GALNT14: variants seen among roughly 807,000 people sequenced by gnomAD.
The protein encoded by GALNT14 is UDP-GalNAc:polypeptide N-acetylgalactosaminyltransferase 14.
A neutral mutation model predicts 77.5 loss-of-function variants in GALNT14; 60 were observed. The observed-to-expected ratio is 0.77, with a 90% CI of 0.63 to 0.96. The LOEUF is 0.96. Ranked by LOEUF, GALNT14 falls within the 40% of genes least tolerant of loss-of-function variation. GALNT14 has a pLI of 0.00. For synonymous variants in GALNT14, 280 were observed against 281.7 expected (o/e 0.99, Z 0.06); for missense variants, 710 against 731.0 (o/e 0.97, Z 0.33).
At chr2:31,043,364 C>T (rs941927446) in intron 1 of GALNT14, among the ~76,000 whole-genome samples, 7 of 152,154 alleles carry the variant, frequency 4.6e-5, no homozygotes, top group African/African-American at 1.7e-4. Flanking sequence ...GCTATCCTCC[C>T]TTGCTAAAAT....
Position 30,914,084 on chromosome 2 carries a change from G to A in GALNT14, c.1381-1742C>T, listed in dbSNP as rs1039711250. Among the ~76,000 whole-genome samples the A allele has an allele frequency of 2.6e-5, 4 of 152,208 alleles. No homozygotes were observed. In the East Asian group the frequency reaches 7.7e-4, roughly 29 times the overall value. On this transcript the variant is annotated intron_variant, in intron 13 of 14. Transcript: ENST00000349752. The stretch of plus-strand genomic sequence containing the variant: ...CTGCTGCTGCTGCTGCTGCTAATAA[G>A]AGCTGACATTTATTGAGCGCTTATG...
At chr2:30,935,206 A>G (rs576340790) in intron 9 of GALNT14, among the ~76,000 whole-genome samples, 2 of 152,286 alleles carry the variant, frequency 1.3e-5, no homozygotes, top group African/African-American at 4.8e-5. Flanking sequence ...TGAGAGCGAG[A>G]AGCTGGTGGC....
intron 1 of GALNT14, among the ~76,000 whole-genome samples, chr2:31,064,317 A>C (rs1674797169): frequency 6.6e-6 from 1 of 152,226 alleles, no homozygotes; most frequent in Admixed American, 6.5e-5. Flanking sequence ...CACAAAACTG[A>C]GGAGAATAAT....
intron 1 of GALNT14, chr2:31,125,059 G>T: frequency 3.5e-6 from 3 of 846,618 alleles, no homozygotes; most frequent in Non-Finnish European, 5.8e-6. Flanking sequence ...GCGCCCAGGA[G>T]CTCTGGCAGA....
In GALNT14 at chr2:31,138,279, T is replaced by A; in HGVS notation, c.-193A>T. 1.6e-6 allele frequency: 1 copy of A among 640,750 alleles called. No homozygotes were observed. The highest frequency in any genetic ancestry group is 2.6e-6 in the Non-Finnish European group (1 of 385,540). 39.7% of individuals were successfully genotyped at this position (640,750 alleles called of 1,614,324 possible). A position where few individuals can be genotyped will look rare whatever the true frequency, so the allele number is the denominator to read the frequency against. ...AAGAGAAGCGAGCCTGGGTGGGGGG[T>A]GCAGGGCGACCCGAAACGTGGCAGG... On this transcript the variant is annotated 5_prime_UTR_variant, in exon 1 of 15. Coordinates refer to ENST00000349752, the MANE Select transcript of GALNT14 (RefSeq NM_024572.4).
chr2:30,980,549 T>G (rs764990626), intron 2 of GALNT14, among the ~76,000 whole-genome samples: 8 of 152,160 alleles, frequency 5.3e-5, no homozygotes, highest in Non-Finnish European at 1.0e-4. Flanking sequence ...ATTTTACAGA[T>G]GAAGAAATGG....
intron 3 of GALNT14, among the ~76,000 whole-genome samples, chr2:30,960,841 G>C (rs1270113369): frequency 6.6e-6 from 1 of 152,188 alleles, no homozygotes; most frequent in Admixed American, 6.5e-5. Flanking sequence ...GCCCAGCAGA[G>C]GATAGCTCTT....
downstream of GALNT14, among the ~76,000 whole-genome samples, chr2:30,909,676 G>C (rs1439917171): frequency 6.6e-6 from 1 of 151,880 alleles, no homozygotes; most frequent in Non-Finnish European, 1.5e-5. Flanking sequence ...TCTAGAACTG[G>C]AAATACCATT....
chr2:30,933,483 C>T (rs982991304), intron 9 of GALNT14, among the ~76,000 whole-genome samples: 2 of 152,158 alleles, frequency 1.3e-5, no homozygotes, highest in African/African-American at 2.4e-5. Flanking sequence ...GCCACCTTTA[C>T]CTGTCACCTA....
downstream of GALNT14, among the ~76,000 whole-genome samples, chr2:30,906,183 A>C (rs1405169605): frequency 1.6e-4 from 23 of 147,868 alleles, no homozygotes; most frequent in Non-Finnish European, 2.2e-4. Flanking sequence ...CTAACATCAT[A>C]ATGACAGGAT....
chr2:30,894,805 C>T, the GALNT14 span, among the ~76,000 whole-genome samples: 1 of 152,216 alleles, frequency 6.6e-6, no homozygotes, highest in Non-Finnish European at 1.5e-5. Flanking sequence ...CTACGGCCCC[C>T]CATTCTTAGA....
At chr2:31,036,173 C>A (rs1343214458) in intron 1 of GALNT14, among the ~76,000 whole-genome samples, 1 of 152,070 alleles carries the variant, frequency 6.6e-6, no homozygotes, top group Non-Finnish European at 1.5e-5. Flanking sequence ...TGTCATTTTG[C>A]TTTAGGTTTC....
intron 2 of GALNT14, among the ~76,000 whole-genome samples, chr2:30,978,232 C>T (rs1668756901): frequency 6.6e-6 from 1 of 152,240 alleles, no homozygotes; most frequent in Admixed American, 6.5e-5. Context: ...TCCAGCTGCC[C>T]AAACTGTCAC....
chr2:30,953,647 T>G (rs1363165159), intron 6 of GALNT14, among the ~76,000 whole-genome samples: 2 of 152,144 alleles, frequency 1.3e-5, no homozygotes, highest in Non-Finnish European at 2.9e-5. Context: ...TGCTTCTACT[T>G]GCTGTCACTT....
At chr2:30,999,744 A>G (rs1670246416) in intron 1 of GALNT14, among the ~76,000 whole-genome samples, 1 of 152,134 alleles carries the variant, frequency 6.6e-6, no homozygotes, top group Non-Finnish European at 1.5e-5. Flanking sequence ...TCTACACCAT[A>G]TTTTATCAGG....
intron 10 of GALNT14, among the ~76,000 whole-genome samples, chr2:30,929,768 T>C (rs2148246659): frequency 6.6e-6 from 1 of 152,374 alleles, no homozygotes; most frequent in South Asian, 2.1e-4. Flanking sequence ...ATTTGGGGTT[T>C]TTTAAATTTG....
chr2:30,975,502 C>T (rs1431851479), intron 2 of GALNT14, among the ~76,000 whole-genome samples: 1 of 152,162 alleles, frequency 6.6e-6, no homozygotes, highest in Non-Finnish European at 1.5e-5. Flanking sequence ...TTTTACTTAT[C>T]TTTTTTAAAA....
intron 1 of GALNT14, among the ~76,000 whole-genome samples, chr2:31,029,750 T>C (rs539850862): frequency 1.1e-4 from 16 of 152,206 alleles, no homozygotes; most frequent in Admixed American, 2.0e-4. Flanking sequence ...TGTTGCAGAG[T>C]GCTACTCACC....
At chr2:31,067,891 C>T (rs1430007194) in intron 1 of GALNT14, among the ~76,000 whole-genome samples, 8 of 152,174 alleles carry the variant, frequency 5.3e-5, no homozygotes, top group Non-Finnish European at 8.8e-5. Context: ...CGTTACTCCT[C>T]CTGTGACCTA....
Sources: gnomAD v4.1 joint callset for allele counts (sites outside exome capture counted in the v4.1 genomes callset) on GRCh38, gnomAD v4.1.1 for gene constraint, MANE v1.5 for transcripts, NCBI Gene and HGNC (gene_info 2026-07-23, HGNC 2026-07-21) for gene names.